GALNTL6: variants seen among roughly 807,000 people sequenced by gnomAD.
The protein encoded by GALNTL6 is polypeptide N-acetylgalactosaminyltransferase like 6.
In GALNTL6, 46 loss-of-function variants were observed where a neutral mutation model predicts 73.7. The ratio of observed to expected loss-of-function variants is 0.62; its 90% CI spans 0.49 to 0.80. GALNTL6 has a LOEUF of 0.80. GALNTL6 is among the 30% of genes least tolerant of loss of function. GALNTL6 has a pLI of 0.00. For missense variants in GALNTL6, 604 were observed against 755.0 expected, an observed-to-expected ratio of 0.80 and a Z score of 2.34; for synonymous variants, 259 against 263.7, an observed-to-expected ratio of 0.98 and a Z score of 0.17.
At chr4:172,704,709 T>G (rs1360474225) in intron 5 of GALNTL6, among the ~76,000 whole-genome samples, 1 of 152,060 alleles carries the variant, frequency 6.6e-6, no homozygotes, top group Admixed American at 6.6e-5. Flanking sequence ...TTAGGTTCAT[T>G]TGGTCTAGAG....
intron 2 of GALNTL6, among the ~76,000 whole-genome samples, chr4:171,959,147 A>G (rs1310990554): frequency 6.6e-6 from 1 of 152,174 alleles, no homozygotes; most frequent in Non-Finnish European, 1.5e-5. Flanking sequence ...GTTACGTTTA[A>G]CCAATTAGAA....
chr4:171,909,042 C>T (rs1412583771), intron 2 of GALNTL6, among the ~76,000 whole-genome samples: 2 of 150,076 alleles, frequency 1.3e-5, no homozygotes, highest in East Asian at 2.0e-4. Context: ...ATACCTAATG[C>T]TAGATGACGA....
At chr4:172,706,237 G>A (rs1172638904) in intron 5 of GALNTL6, among the ~76,000 whole-genome samples, 1 of 151,834 alleles carries the variant, frequency 6.6e-6, no homozygotes, top group Non-Finnish European at 1.5e-5. Context: ...TCAGTCTGCT[G>A]TTGAGACCCT....
At chr4:172,699,826 A>T (rs1161992952) in intron 5 of GALNTL6, among the ~76,000 whole-genome samples, 1 of 152,082 alleles carries the variant, frequency 6.6e-6, no homozygotes, top group African/African-American at 2.4e-5. Flanking sequence ...AAAGAAAATA[A>T]TTTTTTTGTT....
intron 5 of GALNTL6, among the ~76,000 whole-genome samples, chr4:172,557,563 C>T (rs1479347974): frequency 6.6e-6 from 1 of 152,042 alleles, no homozygotes; most frequent in African/African-American, 2.4e-5. Context: ...GGCAAAATAC[C>T]TGAATAATGT....
intron 5 of GALNTL6, among the ~76,000 whole-genome samples, chr4:172,602,824 C>G (rs1033707615): frequency 6.6e-6 from 1 of 152,098 alleles, no homozygotes; most frequent in East Asian, 1.9e-4. Context: ...AAACTGGAGA[C>G]AATCCAATGG....
chr4:172,222,649 A>G (rs1296339171), intron 2 of GALNTL6, among the ~76,000 whole-genome samples: 2 of 147,464 alleles, frequency 1.4e-5, no homozygotes, highest in African/African-American at 5.0e-5. Context: ...TGTGTTGTCA[A>G]TGTTTGTCTT....
At chr4:172,903,228 C>T (rs1024920889) in intron 8 of GALNTL6, among the ~76,000 whole-genome samples, 1 of 152,110 alleles carries the variant, frequency 6.6e-6, no homozygotes, top group Non-Finnish European at 1.5e-5. Context: ...CTATACTGCA[C>T]ACCATCCTAA....
Position 172,887,534 on chromosome 4 carries a change from C to T in GALNTL6, c.1041+4627C>T, listed in dbSNP as rs1423548121. Among the ~76,000 whole-genome samples the T allele has an allele frequency of 4.0e-5, 5 of 125,834 alleles. No homozygotes were observed. In the South Asian group the frequency reaches 1.1e-3, roughly 28 times the overall value. 82.6% of individuals were successfully genotyped at this position (125,834 alleles called of 152,430 possible). ...GCCCTGCCAACATATTATATTTTAA[C>T]CTTTTATTTATTTATTTATTTATTT... On this transcript the variant is annotated intron_variant, in intron 8 of 12. Transcript: ENST00000506823.
chr4:172,666,929 G>C (rs1731698206), intron 5 of GALNTL6: 1 of 152,236 alleles, frequency 6.6e-6, no homozygotes, highest in Non-Finnish European at 1.5e-5. Context: ...GGCAGATTCT[G>C]AGGAGGGTGA....
chr4:172,398,815 T>A (rs1359122806), intron 5 of GALNTL6, among the ~76,000 whole-genome samples: 1 of 152,168 alleles, frequency 6.6e-6, no homozygotes, highest in Non-Finnish European at 1.5e-5. Flanking sequence ...TTGATAAGTA[T>A]TTTTTGGAGG....
At chr4:172,567,847 A>T (rs1042187283) in intron 5 of GALNTL6, among the ~76,000 whole-genome samples, 2 of 152,214 alleles carry the variant, frequency 1.3e-5, no homozygotes, top group South Asian at 4.2e-4. Flanking sequence ...CAAAAAAAAA[A>T]TTGTCAAGAC....
At position 172,073,001 on chromosome 4, in the gene GALNTL6, C is replaced by T. The variant is rs577834004; in HGVS notation, c.139-156655C>T. Among the ~76,000 whole-genome samples the T allele has an allele frequency of 6.0e-4, 91 of 152,282 alleles. 2 individuals are homozygous for T. Among genetic ancestry groups the T allele is most frequent in the South Asian group, 1.9e-3 (9 of 4,834 alleles). On this transcript the variant is annotated intron_variant, in intron 2 of 12. Coordinates refer to ENST00000506823, the MANE Select transcript of GALNTL6 (RefSeq NM_001034845.3). ...TTATACCTGCCTAATTCTCACTTATCGATTCTCCTCTCTCCGTTTTGCTTT... is the reference window on the plus strand; with the variant it reads ...TTATACCTGCCTAATTCTCACTTATTGATTCTCCTCTCTCCGTTTTGCTTT...
chr4:172,429,063 G>C lies in GALNTL6; in HGVS notation c.553+80374G>C, dbSNP rs79692056. Among the ~76,000 whole-genome samples, 982 of 152,148 alleles carry C rather than the reference G, an allele frequency of 6.5e-3. 9 individuals carry two copies. Among genetic ancestry groups the C allele is most frequent in the African/African-American group, 0.022 (911 of 41,548 alleles). ...GACGTCTTCTCACTGTCTTCACCTAGTGGAAGAGGCGAACAAGTTCTTTTA... is the reference window on the plus strand; with the variant it reads ...GACGTCTTCTCACTGTCTTCACCTACTGGAAGAGGCGAACAAGTTCTTTTA... On this transcript the variant is annotated intron_variant, in intron 5 of 12. Coordinates refer to ENST00000506823, the MANE Select transcript of GALNTL6 (RefSeq NM_001034845.3).
chr4:173,040,409 T>G lies in GALNTL6; in HGVS notation c.*309T>G, dbSNP rs1753856079. 4 of 317,888 alleles carry G rather than the reference T, an allele frequency of 1.3e-5. No individual in the cohort carries two copies. The highest frequency in any genetic ancestry group is 2.2e-5 in the African/African-American group (1 of 45,594). 19.7% of individuals were successfully genotyped at this position (317,888 alleles called of 1,614,324 possible). On this transcript the variant is annotated 3_prime_UTR_variant, in exon 13 of 13. Transcript: ENST00000506823. ...AAATCCTAGCATTTCTCAGGTCAAA[T>G]CCTGCAGTAGTGAGTAGCTATGAAT...
At chr4:172,593,254 G>A (rs1309109837) in intron 5 of GALNTL6, among the ~76,000 whole-genome samples, 4 of 151,916 alleles carry the variant, frequency 2.6e-5, no homozygotes, top group Non-Finnish European at 5.9e-5. Context: ...CCATAATCTT[G>A]TTTGTTACCT....
At position 171,958,670 on chromosome 4, in the gene GALNTL6, C is replaced by T. The variant is rs143650635; in HGVS notation, c.138+143952C>T. Reference sequence around the variant, plus strand: ...TACAAACTTTACATTACTCCCATATCAACTATGATCAATCACATAATTGCA... The same window carrying T: ...TACAAACTTTACATTACTCCCATATTAACTATGATCAATCACATAATTGCA... On this transcript the variant is annotated intron_variant, in intron 2 of 12. Coordinates refer to ENST00000506823, the MANE Select transcript of GALNTL6 (RefSeq NM_001034845.3). Among the ~76,000 whole-genome samples the T allele has an allele frequency of 4.7e-4, 71 of 152,150 alleles. 1 individual carries two copies. The East Asian group carries it at 0.014, about 29-fold the overall frequency.
At chr4:171,824,080 TATA>T (rs1560802389) in intron 2 of GALNTL6, among the ~76,000 whole-genome samples, 3 of 17,196 alleles carry the variant, frequency 1.7e-4, no homozygotes, top group Non-Finnish European at 7.7e-4. Context: ...ATCCATTTTA[TATA>T]TATATATATA....
rs185581394 is a variant in GALNTL6, at chr4:172,569,484, C to T, written c.553+220795C>T. 7.9e-5 allele frequency among the ~76,000 whole-genome samples: 12 copies of T among 152,230 alleles called. No individual in the cohort carries two copies. The East Asian group carries it at 2.1e-3, about 27-fold the overall frequency. On this transcript the variant is annotated intron_variant, in intron 5 of 12. Coordinates refer to ENST00000506823, the MANE Select transcript of GALNTL6 (RefSeq NM_001034845.3). The stretch of plus-strand genomic sequence containing the variant: ...GTTTAAAAATGTATTAATTGCAATG[C>T]GTGAAAATGATGAGGAAAAAGATTG...
Sources: allele counts gnomAD v4.1 joint callset (sites outside exome capture counted in the v4.1 genomes callset), GRCh38; gene constraint gnomAD v4.1.1; transcripts MANE v1.5; gene names NCBI Gene and HGNC (gene_info 2026-07-23, HGNC 2026-07-21).